Variants in CNEP1R1 observed in about 807,000 individuals in gnomAD.
CNEP1R1 encodes the protein CTD nuclear envelope phosphatase 1 regulatory subunit 1.
Under a neutral mutation model 22.7 loss-of-function variants are expected in CNEP1R1, and 10 were observed. The observed-to-expected ratio is 0.44, with a 90% CI of 0.27 to 0.75. The LOEUF is 0.75. Ranked by LOEUF, CNEP1R1 falls within the 30% of genes least tolerant of loss-of-function variation. CNEP1R1 has a pLI of 0.17. For synonymous variants in CNEP1R1, 53 were observed against 50.1 expected, an observed-to-expected ratio of 1.06 and a Z score of -0.25; for missense variants, 73 against 151.5, an observed-to-expected ratio of 0.48 and a Z score of 2.72.
intron 5 of CNEP1R1, among the ~76,000 whole-genome samples, chr16:50,035,140 C>A (rs894623499): frequency 6.6e-6 from 1 of 152,072 alleles, no homozygotes; most frequent in Non-Finnish European, 1.5e-5. Context: ...TTGCTTGAGT[C>A]CAGGAGTTTG....
rs190938235 is a variant in CNEP1R1 at position 50,025,280 on chromosome 16, A to T, written c.-36A>T. On this transcript the variant is annotated 5_prime_UTR_variant, in exon 1 of 6. Transcript: ENST00000427478. Reference sequence around the variant, plus strand: ...GGGGGCCGCGGAAGCTGCGATGCGGACAGGGCAGCGGCGGTGACCCGAGCT... The same window carrying T: ...GGGGGCCGCGGAAGCTGCGATGCGGTCAGGGCAGCGGCGGTGACCCGAGCT... 1.4e-6 allele frequency: 2 copies of T among 1,406,734 alleles called. No individual in the cohort carries two copies. Among genetic ancestry groups the T allele is most frequent in the Admixed American group, 3.4e-5 (1 of 29,466 alleles). The allele number at this position is 1,406,734 out of a possible 1,614,324, so 87.1% of individuals were successfully genotyped here.
intron 3 of CNEP1R1, among the ~76,000 whole-genome samples, chr16:50,031,784 A>T (rs924860553): frequency 6.6e-6 from 1 of 152,102 alleles, no homozygotes; most frequent in East Asian, 1.9e-4. Context: ...GAACCTAGGG[A>T]GAGAAAGAAT....
At chr16:50,034,356 G>A (rs2036258246) in intron 5 of CNEP1R1, 200 bp downstream of exon 5, 3 of 536,240 alleles carry the variant, frequency 5.6e-6, no homozygotes, top group Admixed American at 3.3e-5. Flanking sequence ...AATGAGATCT[G>A]ACAAATTGGG....
Position 50,037,067 on chromosome 16 carries a change from ATACTT to A in CNEP1R1, c.*1612_*1616del, listed in dbSNP as rs1379690383. The A allele has an allele frequency of 6.2e-5, 9 of 145,738 alleles. No individual in the cohort carries two copies. Among genetic ancestry groups the A allele is most frequent in the African/African-American group, 1.8e-4 (7 of 39,080 alleles). 9.0% of individuals were successfully genotyped at this position (145,738 alleles called of 1,614,324 possible). Reference sequence around the variant, plus strand: ...AGGTAAATATGTGCATTAAAAATAAATACTTTATATATAACTCGTGATTGGACTTT... The same window carrying A: ...AGGTAAATATGTGCATTAAAAATAAATATATATAACTCGTGATTGGACTTT... On this transcript the variant is annotated 3_prime_UTR_variant, in exon 6 of 6. Coordinates refer to ENST00000427478, the MANE Select transcript of CNEP1R1 (RefSeq NM_001281789.2).
In CNEP1R1 at chr16:50,029,753, A is replaced by T. The variant is rs770684817; in HGVS notation, c.126A>T (p.Thr42=). ...TTCTTATAGTGGTATCTGTCTGTAC[A>T]GCTACTGGTGCCTGGAACTGGTTAA... ...RMLLIVVSVC[T]ATGAWNWLID... is the part of the protein sequence containing the mutation. Residue 42 remains threonine, a synonymous_variant, in exon 3 of 6, where the codon ACA becomes ACT. Coordinates refer to ENST00000427478, the MANE Select transcript of CNEP1R1 (RefSeq NM_001281789.2). 6.2e-7 allele frequency: 1 copy of T among 1,611,170 alleles called. No homozygotes were observed. The highest frequency in any genetic ancestry group is 1.3e-5 in the African/African-American group (1 of 74,878).
chr16:50,026,131 A>G (rs974992621), intron 1 of CNEP1R1: 10 of 456,106 alleles, frequency 2.2e-5, no homozygotes, highest in East Asian at 9.9e-5. Flanking sequence ...ATTTCTCCCA[A>G]TACCATTTAT....
chr16:50,034,069 A>G (rs558950295), intron 4 of CNEP1R1, 33 bp from the exon 5 acceptor site: 7 of 1,554,768 alleles, frequency 4.5e-6, no homozygotes, highest in Non-Finnish European at 6.1e-6. Context: ...TACTCTTGAA[A>G]TGAGAAATTT....
At chr16:50,030,865 A>ATC (rs1385161677) in intron 3 of CNEP1R1, among the ~76,000 whole-genome samples, 1 of 152,234 alleles carries the variant, frequency 6.6e-6, no homozygotes, top group Non-Finnish European at 1.5e-5. Flanking sequence ...ACACTGAGGG[A>ATC]TCTCCCACTG....
rs190938235 is a variant in CNEP1R1, at chr16:50,025,280, A to G, written c.-36A>G. 19,181 of 1,406,582 alleles carry G rather than the reference A, an allele frequency of 0.014. 134 individuals are homozygous for G. Among genetic ancestry groups the G allele is most frequent in the Non-Finnish European group, 0.016 (17,616 of 1,086,078 alleles). The allele number at this position is 1,406,582 out of a possible 1,614,324, so 87.1% of individuals were successfully genotyped here. A position where few individuals can be genotyped will look rare whatever the true frequency, so the allele number is the denominator to read the frequency against. On this transcript the variant is annotated 5_prime_UTR_variant, in exon 1 of 6. Transcript: ENST00000427478. ...GGGGGCCGCGGAAGCTGCGATGCGG[A>G]CAGGGCAGCGGCGGTGACCCGAGCT...
intron 1 of CNEP1R1, 185 bp downstream of exon 1, chr16:50,025,525 C>T (rs574438180): frequency 1.1e-4 from 124 of 1,107,270 alleles, no homozygotes; most frequent in Non-Finnish European, 1.6e-4. Context: ...GCCTCAGCTC[C>T]CTGAGTCCCC....
intron 2 of CNEP1R1, among the ~76,000 whole-genome samples, chr16:50,028,202 C>G (rs1200129548): frequency 6.6e-6 from 1 of 152,156 alleles, no homozygotes; most frequent in Non-Finnish European, 1.5e-5. Context: ...CTCAGGTGAT[C>G]CTCCCATCCT....
At chr16:50,026,547 T>A in intron 2 of CNEP1R1, 80 bp downstream of exon 2, 1 of 1,108,026 alleles carries the variant, frequency 9.0e-7, no homozygotes, top group Non-Finnish European at 1.3e-6. Flanking sequence ...TGCTTTTATG[T>A]AAAATGTTTG....
intron 4 of CNEP1R1, among the ~76,000 whole-genome samples, chr16:50,033,865 A>G (rs1295819278): frequency 1.4e-5 from 2 of 142,032 alleles, no homozygotes; most frequent in Non-Finnish European, 3.1e-5. Flanking sequence ...CTGCGTCTCA[A>G]AAAAAAAAAA....
chr16:50,035,020 A>G (rs975571255), intron 5 of CNEP1R1, among the ~76,000 whole-genome samples: 21 of 152,160 alleles, frequency 1.4e-4, no homozygotes, highest in Non-Finnish European at 3.1e-4. Flanking sequence ...TTCAATTTAA[A>G]AAGTCATTAA....
At chr16:50,025,617 C>T in intron 1 of CNEP1R1, 8 of 1,592,998 alleles carry the variant, frequency 5.0e-6, no homozygotes, top group South Asian at 1.1e-5. Context: ...TCGTGCATTG[C>T]AGCCTGCTAA....
intron 2 of CNEP1R1, among the ~76,000 whole-genome samples, chr16:50,029,068 C>T (rs1329437402): frequency 6.6e-6 from 1 of 152,100 alleles, no homozygotes; most frequent in African/African-American, 2.4e-5. Context: ...CTTGATGCCC[C>T]TTTATTATTT....
In CNEP1R1 at chr16:50,033,586, G is replaced by A. The variant is rs1189933070; in HGVS notation, c.281+80G>A. The stretch of plus-strand genomic sequence containing the variant: ...TAATGGTTAAAAGCTTACTCTTGCC[G>A]GGCGTGGTGGCTCACGCCTGTAATC... On this transcript the variant is annotated intron_variant, in intron 4 of 5. Coordinates refer to ENST00000427478, the MANE Select transcript of CNEP1R1 (RefSeq NM_001281789.2). 7.9e-5 allele frequency: 58 copies of A among 735,182 alleles called. 1 individual carries two copies. Among genetic ancestry groups the A allele is most frequent in the Non-Finnish European group, 1.1e-4 (50 of 445,684 alleles). The allele number at this position is 735,182 out of a possible 1,614,324, so 45.5% of individuals were successfully genotyped here. A position where few individuals can be genotyped will look rare whatever the true frequency, so the allele number is the denominator to read the frequency against.
chr16:50,032,882 GTAAT>G (rs2036243193), intron 3 of CNEP1R1, among the ~76,000 whole-genome samples: 1 of 152,066 alleles, frequency 6.6e-6, no homozygotes, highest in African/African-American at 2.4e-5. Flanking sequence ...GTGGGCGCCT[GTAAT>G]CCCAGCTACT....
chr16:50,029,133 C>T (rs1161945723), intron 2 of CNEP1R1, among the ~76,000 whole-genome samples: 2 of 152,140 alleles, frequency 1.3e-5, no homozygotes, highest in African/African-American at 2.4e-5. Context: ...TTTCTAAAAT[C>T]ATTCTAGCTT....
Sources: gnomAD v4.1 joint callset for allele counts (sites outside exome capture counted in the v4.1 genomes callset) on GRCh38, gnomAD v4.1.1 for gene constraint, MANE v1.5 for transcripts, NCBI Gene and HGNC (gene_info 2026-07-23, HGNC 2026-07-21) for gene names.